The following SDK1 variants were observed in gnomAD, a reference collection of about 807,000 sequenced individuals.
SDK1 encodes the protein sidekick cell adhesion molecule 1, also known as protein sidekick-1.
In SDK1, 157 loss-of-function variants were observed where a neutral mutation model predicts 245.5. The observed-to-expected ratio is 0.64, with a 90% CI of 0.56 to 0.73. SDK1 has a LOEUF of 0.73. Among genes scored for constraint, SDK1 ranks in the 30% least tolerant of loss-of-function variants. The pLI is 0.00. For missense variants in SDK1, 3,583 were observed against 3,002.3 expected, an observed-to-expected ratio of 1.19 and a Z score of -4.52; for synonymous variants, 1,647 against 1,278.5, an observed-to-expected ratio of 1.29 and a Z score of -6.15.
At chr7:3,650,027 AG>A (rs1307523481) in intron 4 of SDK1, among the ~76,000 whole-genome samples, 1 of 141,090 alleles carries the variant, frequency 7.1e-6, no homozygotes, top group Non-Finnish European at 1.6e-5. Context: ...AAAAAAAAAA[AG>A]GCAATTAAAA....
intron 1 of SDK1, among the ~76,000 whole-genome samples, chr7:3,392,196 AAAGAG>A (rs1413555913): frequency 9.9e-5 from 15 of 152,138 alleles, no homozygotes; most frequent in Admixed American, 5.2e-4. Context: ...TTACAGAAGT[AAAGAG>A]AAAAGCATGA....
chr7:4,248,252 A>G (rs1197521243), intron 44 of SDK1, among the ~76,000 whole-genome samples: 2 of 151,924 alleles, frequency 1.3e-5, no homozygotes, highest in Non-Finnish European at 2.9e-5. Flanking sequence ...ATACCTAAAT[A>G]GAACACACAA....
chr7:3,335,112 A>T (rs766646427), intron 1 of SDK1, among the ~76,000 whole-genome samples: 1 of 152,212 alleles, frequency 6.6e-6, no homozygotes, highest in Non-Finnish European at 1.5e-5. Context: ...ATCATCACTA[A>T]TAAGCCTTAT....
intron 4 of SDK1, among the ~76,000 whole-genome samples, chr7:3,706,581 T>G (rs1245376324): frequency 6.6e-6 from 1 of 152,150 alleles, no homozygotes; most frequent in Non-Finnish European, 1.5e-5. Flanking sequence ...TTTTTGTATT[T>G]TTAGTAGAGA....
chr7:3,904,794 C>A (rs544061752), intron 5 of SDK1, among the ~76,000 whole-genome samples: 109 of 152,146 alleles, frequency 7.2e-4, no homozygotes, highest in South Asian at 2.1e-3. Context: ...GAGATCGAGA[C>A]CATCCTGGAG....
chr7:4,183,557 C>T (rs963973100), intron 35 of SDK1, among the ~76,000 whole-genome samples: 5 of 151,620 alleles, frequency 3.3e-5, no homozygotes, highest in African/African-American at 1.2e-4. Context: ...ATCGCTTGAA[C>T]CGGAACCCGG....
intron 1 of SDK1, among the ~76,000 whole-genome samples, chr7:3,393,913 A>G (rs1346482806): frequency 6.6e-6 from 1 of 152,120 alleles, no homozygotes; most frequent in Non-Finnish European, 1.5e-5. Context: ...GTTTGTCAGT[A>G]TCTGAGCTTT....
At chr7:3,435,611 C>T (rs897849938) in intron 1 of SDK1, among the ~76,000 whole-genome samples, 10 of 152,014 alleles carry the variant, frequency 6.6e-5, no homozygotes, top group East Asian at 1.9e-4. Flanking sequence ...GCAATCCGCC[C>T]GCTTCGGCCT....
intron 44 of SDK1, among the ~76,000 whole-genome samples, chr7:4,259,581 C>T (rs934922521): frequency 3.9e-5 from 6 of 152,222 alleles, no homozygotes; most frequent in Non-Finnish European, 8.8e-5. Flanking sequence ...CCAGTAGGGC[C>T]GGGCCAGCGC....
At chr7:3,384,796 GCA>G (rs1027852569) in intron 1 of SDK1, among the ~76,000 whole-genome samples, 14 of 152,288 alleles carry the variant, frequency 9.2e-5, no homozygotes, top group African/African-American at 3.1e-4. Flanking sequence ...AAGCGTATAT[GCA>G]CACTTACATA....
At chr7:4,110,605 A>T in intron 22 of SDK1, 58 bp from the exon 23 acceptor site, 2 of 1,255,788 alleles carry the variant, frequency 1.6e-6, no homozygotes, top group Non-Finnish European at 2.3e-6. Flanking sequence ...CATGGTCTAC[A>T]TGGCAGCCTC....
chr7:3,464,834 T>A (rs1780944278), intron 1 of SDK1, among the ~76,000 whole-genome samples: 1 of 152,048 alleles, frequency 6.6e-6, no homozygotes, highest in African/African-American at 2.4e-5. Flanking sequence ...TGGACAAATT[T>A]TTAAAGAGTA....
chr7:3,483,305 A>G (rs565694608), intron 1 of SDK1, among the ~76,000 whole-genome samples: 1 of 152,158 alleles, frequency 6.6e-6, no homozygotes, highest in East Asian at 1.9e-4. Flanking sequence ...CTTCATAAAG[A>G]TCTTGCCACC....
chr7:3,986,664 A>C (rs35294653), intron 13 of SDK1, among the ~76,000 whole-genome samples: 6 of 152,056 alleles, frequency 3.9e-5, no homozygotes, highest in East Asian at 1.9e-4. Flanking sequence ...TTCAAGACCA[A>C]CCTGGCCAAG....
chr7:3,439,992 A>G (rs1780148250), intron 1 of SDK1, among the ~76,000 whole-genome samples: 1 of 152,202 alleles, frequency 6.6e-6, no homozygotes. Flanking sequence ...AATGGGAAAT[A>G]TTTAAGATAT....
At chr7:4,195,322 T>G (rs1783513315) in intron 35 of SDK1, among the ~76,000 whole-genome samples, 1 of 152,216 alleles carries the variant, frequency 6.6e-6, no homozygotes, top group Non-Finnish European at 1.5e-5. Flanking sequence ...GTCCCCGGTC[T>G]TGCCCTGGCC....
intron 20 of SDK1, among the ~76,000 whole-genome samples, chr7:4,076,167 C>G (rs928725739): frequency 6.6e-6 from 1 of 152,214 alleles, no homozygotes; most frequent in African/African-American, 2.4e-5. Flanking sequence ...AGTAATCTGT[C>G]AGTCATTTCT....
At chr7:3,476,288 A>G (rs1781345825) in intron 1 of SDK1, among the ~76,000 whole-genome samples, 1 of 152,144 alleles carries the variant, frequency 6.6e-6, no homozygotes, top group Non-Finnish European at 1.5e-5. Flanking sequence ...TCCATCACCC[A>G]CAGCTGTTTG....
At chr7:3,743,757 A>G (rs560518479) in intron 4 of SDK1, among the ~76,000 whole-genome samples, 131 of 152,256 alleles carry the variant, frequency 8.6e-4, no homozygotes, top group African/African-American at 3.0e-3. Flanking sequence ...GAAAAAAATG[A>G]TATAAAGAGT....
Sources: allele counts gnomAD v4.1 joint callset (sites outside exome capture counted in the v4.1 genomes callset), GRCh38; gene constraint gnomAD v4.1.1; transcripts MANE v1.5; gene names NCBI Gene and HGNC (gene_info 2026-07-23, HGNC 2026-07-21).